Variants in SLC24A3 observed in about 807,000 individuals in gnomAD.
SLC24A3 encodes the protein solute carrier family 24 member 3, also known as sodium/potassium/calcium exchanger 3.
SLC24A3 carries 28 observed loss-of-function variants against 75.8 expected under a neutral mutation model. The ratio of observed to expected loss-of-function variants is 0.37; its 90% CI spans 0.27 to 0.51. SLC24A3 has a LOEUF of 0.51. Ranked by LOEUF, SLC24A3 falls within the 20% of genes least tolerant of loss-of-function variation. The pLI is 0.94. For missense variants in SLC24A3, 663 were observed against 847.8 expected (o/e 0.78, Z 2.71); for synonymous variants, 372 against 334.1 (o/e 1.11, Z -1.24).
At chr20:19,351,526 G>T (rs1174850109) in intron 2 of SLC24A3, among the ~76,000 whole-genome samples, 1 of 152,158 alleles carries the variant, frequency 6.6e-6, no homozygotes, top group Non-Finnish European at 1.5e-5. Flanking sequence ...AATTTTTGCT[G>T]TGGAACCTAA....
At chr20:19,387,230 TTTC>T (rs1986287084) in intron 2 of SLC24A3, among the ~76,000 whole-genome samples, 1 of 152,078 alleles carries the variant, frequency 6.6e-6, no homozygotes, top group South Asian at 2.1e-4. Context: ...TTGAATCTTC[TTTC>T]TTTTTTCTTT....
chr20:19,655,481 A>G (rs1441525225), intron 7 of SLC24A3, among the ~76,000 whole-genome samples: 1 of 151,970 alleles, frequency 6.6e-6, no homozygotes, highest in African/African-American at 2.4e-5. Context: ...CTTTACCATC[A>G]TGGTTAATTT....
In SLC24A3 at chr20:19,238,967, C is replaced by CAA. The variant is rs1982250323; in HGVS notation, c.142+25984_142+25985insAA. ...CACCCAGCACACACATGGGCGCATGCACACACACACACACACACACACCTG... is the reference window on the plus strand; with the variant it reads ...CACCCAGCACACACATGGGCGCATGCAAACACACACACACACACACACACCTG... On this transcript the variant is annotated intron_variant, in intron 1 of 16. Transcript: ENST00000328041. Among the ~76,000 whole-genome samples, 3 of 21,906 alleles carry CAA rather than the reference C, an allele frequency of 1.4e-4. No homozygotes were observed. In the South Asian group the frequency reaches 4.3e-3, roughly 32 times the overall value. 14.4% of individuals were successfully genotyped at this position (21,906 alleles called of 152,430 possible). A position where few individuals can be genotyped will look rare whatever the true frequency, so the allele number is the denominator to read the frequency against.
chr20:19,356,720 T>A (rs1018719129), intron 2 of SLC24A3, among the ~76,000 whole-genome samples: 3 of 152,192 alleles, frequency 2.0e-5, no homozygotes, highest in Admixed American at 2.0e-4. Context: ...ATGTGCATCC[T>A]TGGTATCTAC....
intron 13 of SLC24A3, 92 bp downstream of exon 13, chr20:19,693,517 A>G: frequency 6.8e-7 from 1 of 1,476,446 alleles, no homozygotes; most frequent in Non-Finnish European, 9.1e-7. Context: ...TAACTGTACT[A>G]GTCAGCTATT....
At chr20:19,369,920 G>T (rs1043548005) in intron 2 of SLC24A3, among the ~76,000 whole-genome samples, 1 of 151,872 alleles carries the variant, frequency 6.6e-6, no homozygotes, top group Non-Finnish European at 1.5e-5. Flanking sequence ...CTCCCACTTC[G>T]GCCTCTCAAA....
intron 1 of SLC24A3, among the ~76,000 whole-genome samples, chr20:19,218,640 C>T (rs1445916610): frequency 6.6e-6 from 1 of 151,640 alleles, no homozygotes; most frequent in African/African-American, 2.4e-5. Flanking sequence ...CTCATCAACC[C>T]AGATTTTTCT....
At chr20:19,288,690 G>A (rs1248638470) in intron 2 of SLC24A3, among the ~76,000 whole-genome samples, 1 of 152,184 alleles carries the variant, frequency 6.6e-6, no homozygotes. Flanking sequence ...AAAGCAAGTC[G>A]AGTTAAAGAA....
At chr20:19,361,424 C>G (rs1212171130) in intron 2 of SLC24A3, among the ~76,000 whole-genome samples, 1 of 152,088 alleles carries the variant, frequency 6.6e-6, no homozygotes, top group Non-Finnish European at 1.5e-5. Context: ...TGTAAAGAGA[C>G]AGTTGACTGC....
chr20:19,224,377 A>G (rs1981819550), intron 1 of SLC24A3, among the ~76,000 whole-genome samples: 1 of 152,022 alleles, frequency 6.6e-6, no homozygotes, highest in Non-Finnish European at 1.5e-5. Flanking sequence ...ATAATTTTGC[A>G]CTCTACACAA....
At chr20:19,533,738 C>T (rs2030345843) in intron 3 of SLC24A3, among the ~76,000 whole-genome samples, 1 of 152,168 alleles carries the variant, frequency 6.6e-6, no homozygotes, top group African/African-American at 2.4e-5. Flanking sequence ...TAGATTTTAT[C>T]CCAGCAGCAT....
intron 2 of SLC24A3, among the ~76,000 whole-genome samples, chr20:19,352,064 G>A (rs752072144): frequency 2.0e-5 from 3 of 151,778 alleles, no homozygotes; most frequent in East Asian, 1.9e-4. Flanking sequence ...CAGGGGAGGG[G>A]CTGCACAGGG....
chr20:19,574,865 A>G (rs1027269996), intron 3 of SLC24A3, among the ~76,000 whole-genome samples: 41 of 152,174 alleles, frequency 2.7e-4, no homozygotes, highest in Admixed American at 1.5e-3. Context: ...GAGATCCCAT[A>G]CCATGCCCTG....
chr20:19,546,261 G>A (rs1310286567), intron 3 of SLC24A3, among the ~76,000 whole-genome samples: 1 of 148,252 alleles, frequency 6.7e-6, no homozygotes, highest in Admixed American at 6.8e-5. Flanking sequence ...GGAGTATCTT[G>A]ATGCTATAAT....
chr20:19,635,014 T>C (rs182108600), intron 6 of SLC24A3, among the ~76,000 whole-genome samples: 4 of 152,352 alleles, frequency 2.6e-5, no homozygotes, highest in East Asian at 1.9e-4. Flanking sequence ...GTGCATGCTA[T>C]GTCATAGACA....
intron 3 of SLC24A3, among the ~76,000 whole-genome samples, chr20:19,545,089 T>A (rs905718674): frequency 1.3e-5 from 2 of 152,216 alleles, no homozygotes; most frequent in Non-Finnish European, 2.9e-5. Context: ...TGCAGCTCTA[T>A]TGTTTTGCTT....
intron 2 of SLC24A3, among the ~76,000 whole-genome samples, chr20:19,361,003 A>G (rs6035307): frequency 3.7e-4 from 57 of 152,010 alleles, no homozygotes; most frequent in African/African-American, 1.3e-3. Context: ...ATTTTTTTGT[A>G]TTTTTAGTAG....
chr20:19,691,357 CTTGGAG>C lies in SLC24A3; in HGVS notation c.1325-1900_1325-1895del, dbSNP rs1055652504. Among the ~76,000 whole-genome samples, 12 of 152,304 alleles carry C rather than the reference CTTGGAG, an allele frequency of 7.9e-5. No individual in the cohort carries two copies. The East Asian group carries it at 2.3e-3, about 29-fold the overall frequency. On this transcript the variant is annotated intron_variant, in intron 12 of 16. Coordinates refer to ENST00000328041, the MANE Select transcript of SLC24A3 (RefSeq NM_020689.4). ...GCAAAGTCCTTGAGGCAGGAAAAGG[CTTGGAG>C]TGTCTGAGGACAGAAAGTTAGCCAA...
chr20:19,656,096 T>C (rs2032262340), intron 7 of SLC24A3, among the ~76,000 whole-genome samples: 1 of 152,198 alleles, frequency 6.6e-6, no homozygotes, highest in South Asian at 2.1e-4. Context: ...GATTATTTTA[T>C]TGTAAGTCTT....
Sources: gnomAD v4.1 joint callset for allele counts (sites outside exome capture counted in the v4.1 genomes callset) on GRCh38, gnomAD v4.1.1 for gene constraint, MANE v1.5 for transcripts, NCBI Gene and HGNC (gene_info 2026-07-23, HGNC 2026-07-21) for gene names.